SPRYD7: variants seen among roughly 807,000 people sequenced by gnomAD.
The protein encoded by SPRYD7 is SPRY domain-containing protein 7.
In SPRYD7, 14 loss-of-function variants were observed where a neutral mutation model predicts 23.8. The ratio of observed to expected loss-of-function variants is 0.59; its 90% confidence interval spans 0.39 to 0.92. The LOEUF is 0.92. Ranked by LOEUF, SPRYD7 falls within the 40% of genes least tolerant of loss-of-function variation. SPRYD7 has a pLI of 0.00. For synonymous variants in SPRYD7, 75 were observed against 84.9 expected, an observed-to-expected ratio of 0.88 and a Z score of 0.64; for missense variants, 194 against 241.7, an observed-to-expected ratio of 0.80 and a Z score of 1.31.
rs1955949106 is a variant in SPRYD7 at position 49,931,498 on chromosome 13, C to T, written c.107-364G>A. 2.0e-5 allele frequency among the ~76,000 whole-genome samples: 3 copies of T among 151,756 alleles called. No individual in the cohort carries two copies. The South Asian group carries it at 6.3e-4, about 32-fold the overall frequency. On this transcript the variant is annotated intron_variant, in intron 1 of 4. Coordinates refer to ENST00000361840, the MANE Select transcript of SPRYD7 (RefSeq NM_020456.4). ...CCTGGCCAAGTTTTCTATTTTCAAT[C>T]CAACAATCAGGATTAATTTGTTCAG...
intron 3 of SPRYD7, among the ~76,000 whole-genome samples, chr13:49,927,361 T>C (rs1955893738): frequency 6.6e-6 from 1 of 151,644 alleles, no homozygotes; most frequent in African/African-American, 2.4e-5. Flanking sequence ...CCAGGCCTGG[T>C]GGTGTGCGCC....
At chr13:49,929,883 G>A (rs866360253) in intron 2 of SPRYD7, among the ~76,000 whole-genome samples, 13 of 151,398 alleles carry the variant, frequency 8.6e-5, no homozygotes, top group Middle Eastern at 7.0e-3. Flanking sequence ...TCTGTCTTCC[G>A]GGTTCAGGCA....
chr13:49,930,405 CCT>C (rs1167214531), intron 2 of SPRYD7, among the ~76,000 whole-genome samples: 1 of 151,944 alleles, frequency 6.6e-6, no homozygotes, highest in Non-Finnish European at 1.5e-5. Context: ...CATGGTGAAA[CCT>C]CTGTCTCTAC....
chr13:49,934,479 C>A (rs530085220), intron 1 of SPRYD7, among the ~76,000 whole-genome samples: 1 of 142,550 alleles, frequency 7.0e-6, no homozygotes, highest in Non-Finnish European at 1.5e-5. Flanking sequence ...TGCTTGAACC[C>A]GGGAGGCGGA....
At chr13:49,915,500 A>G (rs1360032823) in intron 4 of SPRYD7, among the ~76,000 whole-genome samples, 1 of 152,192 alleles carries the variant, frequency 6.6e-6, no homozygotes, top group Non-Finnish European at 1.5e-5. Context: ...TTTTAAAAAA[A>G]TGTTTAACTT....
At chr13:49,928,131 A>G (rs1566406295) in intron 2 of SPRYD7, 46 bp from the exon 3 acceptor site, 3 of 1,533,104 alleles carry the variant, frequency 2.0e-6, no homozygotes, top group Non-Finnish European at 2.7e-6. Context: ...GAAGACTACA[A>G]CCATCGAGTT....
At chr13:49,933,817 T>C (rs1371753215) in intron 1 of SPRYD7, among the ~76,000 whole-genome samples, 15 of 152,090 alleles carry the variant, frequency 9.9e-5, no homozygotes, top group African/African-American at 3.1e-4. Flanking sequence ...TTAAGAAACA[T>C]AAATTTCCAA....
At chr13:49,931,219 ACC>A (rs1955944603) in intron 1 of SPRYD7, 85 bp from the exon 2 acceptor site, 2 of 860,020 alleles carry the variant, frequency 2.3e-6, no homozygotes, top group Admixed American at 2.4e-5. Context: ...TTGCTCTGTC[ACC>A]CAGGCTGGAG....
In SPRYD7 at chr13:49,927,942, G is replaced by T. The variant is rs756017977; in HGVS notation, c.367C>A (p.Leu123Ile). Residue 123 changes from leucine (L) to isoleucine (I), a missense_variant, in exon 3 of 5, where the codon CTT (leucine) becomes ATT (isoleucine). Transcript: ENST00000361840. ...ACCACCACATCTCCTTCCTGCGGAA[G>T]ACTGTTTGCTGGCAGCCTATTTTTC... ...EEKNRLPANS[L>I]PQEGDVVGIT... 2 of 1,614,240 alleles carry T rather than the reference G, an allele frequency of 1.2e-6. No homozygotes were observed. Among genetic ancestry groups the T allele is most frequent in the Non-Finnish European group, 1.7e-6 (2 of 1,180,040 alleles).
At chr13:49,926,461 T>C (rs1005222338) in intron 3 of SPRYD7, among the ~76,000 whole-genome samples, 1 of 152,232 alleles carries the variant, frequency 6.6e-6, no homozygotes, top group Non-Finnish European at 1.5e-5. Context: ...TATGGGCATC[T>C]GGCAATGATC....
At chr13:49,932,969 C>T (rs919220463) in intron 1 of SPRYD7, among the ~76,000 whole-genome samples, 1 of 152,142 alleles carries the variant, frequency 6.6e-6, no homozygotes, top group Admixed American at 6.6e-5. Context: ...GTAATTTCAA[C>T]TGGAGAGCAT....
intron 4 of SPRYD7, among the ~76,000 whole-genome samples, chr13:49,919,422 T>C (rs1430124841): frequency 6.6e-6 from 1 of 152,126 alleles, no homozygotes; most frequent in Non-Finnish European, 1.5e-5. Flanking sequence ...TGCGTGCTTG[T>C]AGTCCCATCT....
chr13:49,934,835 T>C (rs61960446), intron 1 of SPRYD7, among the ~76,000 whole-genome samples: 26,870 of 152,096 alleles, frequency 0.18, 2,709 homozygotes, highest in African/African-American at 0.27. Context: ...GTTCCAGGAA[T>C]TATGTATGGT....
rs187067378 is a variant in SPRYD7, at chr13:49,927,383, C to G, written c.390+536G>C. Among the ~76,000 whole-genome samples the G allele has an allele frequency of 4.3e-3, 659 of 151,922 alleles. 6 individuals carry two copies. The highest frequency in any genetic ancestry group is 0.015 in the African/African-American group (634 of 41,434). On this transcript the variant is annotated intron_variant, in intron 3 of 4. Coordinates refer to ENST00000361840, the MANE Select transcript of SPRYD7 (RefSeq NM_020456.4). Reference sequence around the variant, plus strand: ...TGGTGGTGTGCGCCTGTAATCCTAGCTACTCGGGAGGCTGAGGCCGGAGAA... The same window carrying G: ...TGGTGGTGTGCGCCTGTAATCCTAGGTACTCGGGAGGCTGAGGCCGGAGAA...
intron 1 of SPRYD7, among the ~76,000 whole-genome samples, chr13:49,933,374 G>A (rs572795429): frequency 1.3e-5 from 2 of 152,224 alleles, no homozygotes; most frequent in South Asian, 4.2e-4. Flanking sequence ...GCTGAGGCAG[G>A]CAGATTACTT....
intron 1 of SPRYD7, among the ~76,000 whole-genome samples, chr13:49,931,985 T>C (rs1286433466): frequency 1.3e-5 from 2 of 152,240 alleles, no homozygotes; most frequent in African/African-American, 4.8e-5. Flanking sequence ...CTGAATTATA[T>C]TGAACGTTCA....
chr13:49,933,371 C>T (rs1001373517), intron 1 of SPRYD7, among the ~76,000 whole-genome samples: 1 of 152,068 alleles, frequency 6.6e-6, no homozygotes. Flanking sequence ...GAGGCTGAGG[C>T]AGGCAGATTA....
chr13:49,926,529 C>T (rs548071836), intron 3 of SPRYD7, among the ~76,000 whole-genome samples: 1 of 152,054 alleles, frequency 6.6e-6, no homozygotes, highest in East Asian at 1.9e-4. Context: ...TTTTTAATGG[C>T]TTATGCCTTT....
At chr13:49,916,041 G>A (rs1439449221) in intron 4 of SPRYD7, among the ~76,000 whole-genome samples, 2 of 152,282 alleles carry the variant, frequency 1.3e-5, no homozygotes, top group Non-Finnish European at 2.9e-5. Flanking sequence ...GTTGGGGCTG[G>A]GGTAGGGAGT....
Sources: allele counts gnomAD v4.1 joint callset (sites outside exome capture counted in the v4.1 genomes callset), GRCh38; gene constraint gnomAD v4.1.1; transcripts MANE v1.5; gene names NCBI Gene and HGNC (gene_info 2026-07-23, HGNC 2026-07-21).